RFFL: variants seen among roughly 807,000 people sequenced by gnomAD.
RFFL encodes the protein ring finger and FYVE like domain containing E3 ubiquitin protein ligase.
A neutral mutation model predicts 40.4 loss-of-function variants in RFFL; 16 were observed. The ratio of observed to expected loss-of-function variants is 0.40; its 90% CI spans 0.27 to 0.60. RFFL has a LOEUF of 0.60. RFFL is among the 20% of genes least tolerant of loss of function. The pLI is 0.47. For missense variants in RFFL, 367 were observed against 451.7 expected (o/e 0.81, Z 1.70); for synonymous variants, 154 against 167.9 (o/e 0.92, Z 0.64).
At chr17:35,016,317 T>C in intron 5 of RFFL, 53 bp downstream of exon 5, 2 of 1,515,842 alleles carry the variant, frequency 1.3e-6, no homozygotes, top group East Asian at 2.3e-5. Flanking sequence ...TGCTTTGGAG[T>C]GACAGCAAAC....
At chr17:35,040,233 C>A (rs1311703042) in intron 1 of RFFL, among the ~76,000 whole-genome samples, 1 of 152,160 alleles carries the variant, frequency 6.6e-6, no homozygotes, top group Non-Finnish European at 1.5e-5. Flanking sequence ...TCTTACCCCT[C>A]CCTCTGTTCT....
intron 1 of RFFL, among the ~76,000 whole-genome samples, chr17:35,040,022 T>C (rs2091153510): frequency 1.3e-5 from 2 of 152,088 alleles, no homozygotes; most frequent in South Asian, 2.1e-4. Context: ...TTCTCCAATC[T>C]AGCTTGAGCC....
chr17:35,067,148 A>G (rs1238999375), upstream of RFFL, among the ~76,000 whole-genome samples: 1 of 142,136 alleles, frequency 7.0e-6, no homozygotes, highest in Non-Finnish European at 1.5e-5. Flanking sequence ...ACGGAATCTC[A>G]CTCTCATCGC....
At chr17:35,031,107 A>C (rs764405207) in intron 1 of RFFL, among the ~76,000 whole-genome samples, 5 of 151,974 alleles carry the variant, frequency 3.3e-5, no homozygotes, top group Admixed American at 6.5e-5. Flanking sequence ...GTTGTAGGCA[A>C]TTCACTAACT....
chr17:35,026,332 A>G, intron 2 of RFFL, 42 bp downstream of exon 2: 3 of 1,602,706 alleles, frequency 1.9e-6, no homozygotes, highest in South Asian at 1.1e-5. Flanking sequence ...CCCATGGTCC[A>G]TAGGCTGCAG....
chr17:35,016,061 C>T (rs2090971029), intron 5 of RFFL, among the ~76,000 whole-genome samples: 1 of 152,130 alleles, frequency 6.6e-6, no homozygotes. Flanking sequence ...GAGGGGATAG[C>T]ATATGGTGAG....
intron 1 of RFFL, among the ~76,000 whole-genome samples, chr17:35,074,931 A>G (rs913400951): frequency 4.6e-5 from 7 of 152,234 alleles, no homozygotes; most frequent in African/African-American, 1.7e-4. Context: ...CCTGCTGAAC[A>G]TGCCCAATGC....
chr17:35,020,036 C>T (rs1309641917), intron 3 of RFFL, among the ~76,000 whole-genome samples: 1 of 152,188 alleles, frequency 6.6e-6, no homozygotes, highest in Non-Finnish European at 1.5e-5. Context: ...AGCACTATAC[C>T]AGCTCTAAGT....
At chr17:35,076,224 C>A (rs930679137) in intron 1 of RFFL, among the ~76,000 whole-genome samples, 13 of 151,554 alleles carry the variant, frequency 8.6e-5, no homozygotes, top group African/African-American at 2.9e-4. Flanking sequence ...GAATTCCTGA[C>A]CTCAAGTGAT....
chr17:35,065,167 T>C (rs1266796868), upstream of RFFL, among the ~76,000 whole-genome samples: 1 of 151,546 alleles, frequency 6.6e-6, no homozygotes, highest in Non-Finnish European at 1.5e-5. Flanking sequence ...AATTCTAGTA[T>C]GAAACAACTC....
chr17:35,086,354 C>T (rs1245597575), intron 1 of RFFL, among the ~76,000 whole-genome samples: 4 of 152,064 alleles, frequency 2.6e-5, no homozygotes, highest in South Asian at 2.1e-4. Context: ...GGCGTAGTGA[C>T]GCACATCTGT....
intron 1 of RFFL, chr17:35,069,443 C>T: frequency 2.4e-6 from 1 of 409,154 alleles, no homozygotes. Context: ...AAGGATACGA[C>T]TGCACAGCTT....
At position 35,055,665 on chromosome 17, in the gene RFFL, C is replaced by G. The variant is rs528247640; in HGVS notation, c.-9+7911G>C. On this transcript the variant is annotated intron_variant, in intron 1 of 6. Transcript: ENST00000394597. ...CAGCCTGGGCCACAAGAGCAAAACT[C>G]CATCTCAAAAAAAAACAAACAAACA... Among the ~76,000 whole-genome samples, 7 of 146,312 alleles carry G rather than the reference C, an allele frequency of 4.8e-5. No individual in the cohort carries two copies. The South Asian group carries it at 6.4e-4, about 13-fold the overall frequency.
intron 1 of RFFL, among the ~76,000 whole-genome samples, chr17:35,031,116 C>CT (rs2091080130): frequency 6.6e-6 from 1 of 151,790 alleles, no homozygotes; most frequent in South Asian, 2.1e-4. Context: ...AATTCACTAA[C>CT]TTTTTTTTGG....
chr17:35,056,860 G>T (rs1207721106), intron 1 of RFFL, among the ~76,000 whole-genome samples: 1 of 151,580 alleles, frequency 6.6e-6, no homozygotes, highest in African/African-American at 2.4e-5. Context: ...AAGAATCTTT[G>T]CTTGTCACTT....
chr17:35,061,391 T>C (rs574525717), intron 1 of RFFL, among the ~76,000 whole-genome samples: 120 of 152,294 alleles, frequency 7.9e-4, no homozygotes, highest in Non-Finnish European at 1.3e-3. Flanking sequence ...TCCGTAATCT[T>C]TGAAGAGTAC....
chr17:35,069,239 A>G, intron 1 of RFFL: 1 of 456,706 alleles, frequency 2.2e-6, no homozygotes, highest in South Asian at 1.5e-5. Flanking sequence ...CAATAAGTCA[A>G]ACTTCCTAAA....
chr17:35,047,941 G>A (rs969812523), intron 1 of RFFL, among the ~76,000 whole-genome samples: 6 of 151,478 alleles, frequency 4.0e-5, no homozygotes, highest in East Asian at 3.9e-4. Context: ...TAGTAGAGAC[G>A]GGGTTTCACC....
At chr17:35,080,866 A>C (rs1376265094) in intron 1 of RFFL, among the ~76,000 whole-genome samples, 1 of 152,252 alleles carries the variant, frequency 6.6e-6, no homozygotes, top group East Asian at 1.9e-4. Context: ...ACTCAGAGAT[A>C]ATGAAAACAT....
Sources: gnomAD v4.1 joint callset for allele counts (sites outside exome capture counted in the v4.1 genomes callset) on GRCh38, gnomAD v4.1.1 for gene constraint, MANE v1.5 for transcripts, NCBI Gene and HGNC (gene_info 2026-07-23, HGNC 2026-07-21) for gene names.